The following DNM3 variants were observed in gnomAD, a reference collection of about 807,000 sequenced individuals.
DNM3 encodes the protein dynamin-3.
DNM3 carries 47 observed loss-of-function variants against 101.6 expected under a neutral mutation model. The observed-to-expected ratio is 0.46, with a 90% CI of 0.37 to 0.59. The LOEUF is 0.59. DNM3 is among the 20% of genes least tolerant of loss of function. DNM3 has a pLI of 0.00. For missense variants in DNM3, 849 were observed against 1,085.7 expected (o/e 0.78, Z 3.06); for synonymous variants, 385 against 387.9 (o/e 0.99, Z 0.09).
intron 14 of DNM3, among the ~76,000 whole-genome samples, chr1:172,176,033 G>C (rs493657): frequency 0.03 from 4,592 of 151,770 alleles, 229 homozygotes; most frequent in African/African-American, 0.11. Context: ...ATTTGAATCC[G>C]TAGAACCTGT....
chr1:171,940,763 G>A (rs1278450751), intron 2 of DNM3, among the ~76,000 whole-genome samples: 1 of 151,958 alleles, frequency 6.6e-6, no homozygotes. Flanking sequence ...TTCTTGACAT[G>A]TATATGATAT....
chr1:172,377,370 A>G (rs914644529), intron 17 of DNM3, among the ~76,000 whole-genome samples: 4 of 151,746 alleles, frequency 2.6e-5, no homozygotes, highest in Non-Finnish European at 5.9e-5. Flanking sequence ...TAGTAGGTTT[A>G]TGCTGAAATG....
chr1:171,953,301 A>G (rs2042646396), intron 2 of DNM3, among the ~76,000 whole-genome samples: 1 of 152,148 alleles, frequency 6.6e-6, no homozygotes. Flanking sequence ...TTCAATTAAG[A>G]TAATTACATT....
chr1:172,351,044 T>G (rs560573285), intron 17 of DNM3, among the ~76,000 whole-genome samples: 1 of 152,184 alleles, frequency 6.6e-6, no homozygotes. Context: ...AGAACACTTA[T>G]AAACATTCAG....
chr1:172,389,961 G>A (rs771492330), intron 20 of DNM3, among the ~76,000 whole-genome samples: 13 of 152,114 alleles, frequency 8.5e-5, no homozygotes, highest in Non-Finnish European at 1.3e-4. Context: ...ACTCTGAGAC[G>A]GGAGTTCTTT....
At chr1:172,007,130 A>G (rs2046748921) in intron 4 of DNM3, among the ~76,000 whole-genome samples, 1 of 152,092 alleles carries the variant, frequency 6.6e-6, no homozygotes, top group African/African-American at 2.4e-5. Flanking sequence ...ATTAATGCAC[A>G]AGTTTTCCAT....
At chr1:172,041,955 G>A in intron 7 of DNM3, 54 bp from the exon 8 acceptor site, 1 of 1,498,788 alleles carries the variant, frequency 6.7e-7, no homozygotes. Context: ...AGAAAATGAA[G>A]AGTGCAAAGG....
chr1:171,889,887 A>G lies in DNM3; in HGVS notation c.162-31861A>G, dbSNP rs559727953. 3.9e-5 allele frequency among the ~76,000 whole-genome samples: 6 copies of G among 152,322 alleles called. No individual in the cohort carries two copies. In the South Asian group the frequency reaches 1.2e-3, roughly 32 times the overall value. On this transcript the variant is annotated intron_variant, in intron 1 of 20. Coordinates refer to ENST00000627582, the MANE Select transcript of DNM3 (RefSeq NM_015569.5). ...TTTAAGTATCTTTATTTCACCCATTAATATTTAATACATATAGTATAGCTG... is the reference window on the plus strand; with the variant it reads ...TTTAAGTATCTTTATTTCACCCATTGATATTTAATACATATAGTATAGCTG...
intron 1 of DNM3, among the ~76,000 whole-genome samples, chr1:171,904,830 G>C (rs1346354011): frequency 6.6e-6 from 1 of 152,086 alleles, no homozygotes; most frequent in African/African-American, 2.4e-5. Context: ...CTGAGGGAGG[G>C]TGGCATGGAG....
intron 14 of DNM3, among the ~76,000 whole-genome samples, chr1:172,223,527 C>T (rs1005487980): frequency 6.6e-6 from 1 of 152,024 alleles, no homozygotes; most frequent in African/African-American, 2.4e-5. Context: ...CTTTTGTCTC[C>T]ATTACTCCAT....
chr1:171,900,905 G>A (rs1021571818), intron 1 of DNM3, among the ~76,000 whole-genome samples: 3 of 151,624 alleles, frequency 2.0e-5, no homozygotes, highest in Non-Finnish European at 4.4e-5. Flanking sequence ...TCAGGAGATC[G>A]AGACCATCCT....
At chr1:171,935,335 ACTT>A (rs2041323518) in intron 2 of DNM3, among the ~76,000 whole-genome samples, 1 of 152,166 alleles carries the variant, frequency 6.6e-6, no homozygotes, top group Non-Finnish European at 1.5e-5. Flanking sequence ...GACATTTAGT[ACTT>A]AGTACAGGAA....
At chr1:171,969,578 G>T (rs563733255) in intron 2 of DNM3, among the ~76,000 whole-genome samples, 12 of 152,222 alleles carry the variant, frequency 7.9e-5, no homozygotes, top group Admixed American at 7.2e-4. Flanking sequence ...GAAACGGGGG[G>T]TCTTAAAATA....
chr1:172,320,598 A>C (rs1165047933), intron 16 of DNM3, among the ~76,000 whole-genome samples: 1 of 152,128 alleles, frequency 6.6e-6, no homozygotes, highest in Non-Finnish European at 1.5e-5. Flanking sequence ...TTATTATTTA[A>C]AATCATTGTG....
At chr1:171,944,801 G>A (rs2042048986) in intron 2 of DNM3, among the ~76,000 whole-genome samples, 2 of 147,552 alleles carry the variant, frequency 1.4e-5, no homozygotes, top group South Asian at 4.4e-4. Context: ...AAGTTGTCTT[G>A]GTGTGAGTTC....
chr1:172,304,466 C>T (rs945272421), intron 15 of DNM3, among the ~76,000 whole-genome samples: 1 of 152,048 alleles, frequency 6.6e-6, no homozygotes, highest in Non-Finnish European at 1.5e-5. Context: ...CAATATTAGA[C>T]AGATCAACGA....
intron 15 of DNM3, among the ~76,000 whole-genome samples, chr1:172,289,052 A>C (rs1231084215): frequency 2.0e-5 from 3 of 152,102 alleles, no homozygotes. Context: ...CGATATATTG[A>C]AAAGTTTGTT....
intron 2 of DNM3, among the ~76,000 whole-genome samples, chr1:171,985,844 G>C (rs891349263): frequency 3.9e-5 from 6 of 152,278 alleles, no homozygotes; most frequent in African/African-American, 1.2e-4. Flanking sequence ...CAGAGGGCCT[G>C]AGTGGTGATG....
intron 10 of DNM3, among the ~76,000 whole-genome samples, chr1:172,064,865 G>A (rs12751710): frequency 1.4e-4 from 21 of 152,082 alleles, no homozygotes; most frequent in Non-Finnish European, 2.4e-4. Context: ...CTCCATAATG[G>A]TAGTTCTTCT....
Sources: gnomAD v4.1 joint callset for allele counts (sites outside exome capture counted in the v4.1 genomes callset) on GRCh38, gnomAD v4.1.1 for gene constraint, MANE v1.5 for transcripts, NCBI Gene and HGNC (gene_info 2026-07-23, HGNC 2026-07-21) for gene names.